REV1: variants seen among roughly 807,000 people sequenced by gnomAD.
The protein encoded by REV1 is translesion synthesis protein REV1.
In REV1, 42 loss-of-function variants were observed where a neutral mutation model predicts 137.4. That is an observed-to-expected ratio of 0.31 (90% CI 0.24 to 0.40). The LOEUF (loss-of-function observed/expected upper bound fraction) is 0.40, where lower values mean the gene tolerates loss of function less well. REV1 is among the 10% of genes least tolerant of loss of function. The pLI is 1.00. For synonymous variants in REV1, 524 were observed against 519.2 expected (o/e 1.01, Z -0.12); for missense variants, 1,282 against 1,490.1 (o/e 0.86, Z 2.30).
chr2:99,468,773 A>T (rs764321126), intron 1 of REV1, among the ~76,000 whole-genome samples: 3 of 152,246 alleles, frequency 2.0e-5, no homozygotes, highest in Non-Finnish European at 4.4e-5. Flanking sequence ...ACATGAATGC[A>T]AAAGTACCCT....
At chr2:99,468,676 C>T (rs1034007672) in intron 1 of REV1, among the ~76,000 whole-genome samples, 1 of 152,202 alleles carries the variant, frequency 6.6e-6, no homozygotes, top group African/African-American at 2.4e-5. Flanking sequence ...AAATAACCTG[C>T]CAATCTCTCC....
chr2:99,462,711 T>A (rs1684364931), intron 2 of REV1, 89 bp from the exon 3 acceptor site: 1 of 1,285,942 alleles, frequency 7.8e-7, no homozygotes, highest in Non-Finnish European at 1.1e-6. Flanking sequence ...ACTAAATAAA[T>A]AAATGGACCT....
Position 99,464,964 on chromosome 2 carries a change from A to G in REV1, c.12T>C (p.Gly4=). ...CATTTTCAGCTCGCTTCCTCCATCC[A>G]CCTCGCCTCATGGTGGAGCTTCTGT... MRR[G]GWRKRAENDG... The change falls in exon 2 of 23, where the codon GGT becomes GGC. Residue 4 remains glycine (G), a synonymous_variant. Coordinates refer to ENST00000258428, the MANE Select transcript of REV1 (RefSeq NM_016316.4). The G allele has an allele frequency of 6.2e-7, 1 of 1,612,990 alleles. No homozygotes were observed. The highest frequency in any genetic ancestry group is 8.5e-7 in the Non-Finnish European group (1 of 1,179,466).
chr2:99,473,682 C>T (rs140162589), intron 1 of REV1, among the ~76,000 whole-genome samples: 1 of 152,246 alleles, frequency 6.6e-6, no homozygotes, highest in East Asian at 1.9e-4. Context: ...TTTCCTGTTG[C>T]TAATTTTTTC....
chr2:99,438,894 G>C lies in REV1; in HGVS notation c.920C>G (p.Thr307Ser). The C allele has an allele frequency of 6.2e-7, 1 of 1,614,210 alleles. No individual in the cohort carries two copies. Among genetic ancestry groups the C allele is most frequent in the Non-Finnish European group, 8.5e-7 (1 of 1,180,032 alleles). The change falls in exon 6 of 23, where the codon ACT becomes AGT. Residue 307 changes from threonine (T) to serine (S), a missense_variant. Thr to Ser is a moderately conservative substitution (Grantham distance 58). This residue lies in a region of REV1 where 432 missense variants were observed against 438.0 expected (regional missense o/e 0.99). Transcript: ENST00000258428. ...SFSLSPLHSN[T>S]KINGAHHSTV... ...GGAGTGGTGAGCACCATTGATTTTA[G>C]TGTTACTGTGCAAAGGTGATAATGA...
intron 12 of REV1, among the ~76,000 whole-genome samples, chr2:99,414,919 T>C (rs191602389): frequency 6.6e-6 from 1 of 152,210 alleles, no homozygotes; most frequent in African/African-American, 2.4e-5. Context: ...CCACAACAAA[T>C]TATGCACTAC....
rs370638855 is a variant in REV1 at position 99,426,263 on chromosome 2, C to T, written c.1548-1983G>A. Among the ~76,000 whole-genome samples, 23 of 151,314 alleles carry T rather than the reference C, an allele frequency of 1.5e-4. No homozygotes were observed. In the East Asian group the frequency reaches 3.1e-3, roughly 20 times the overall value. Reference sequence around the variant, plus strand: ...TCGGGAGGCTGAGGCAGGAGAATCGCTTGAACCTGGGAGGTGGAGGTTGCA... The same window carrying T: ...TCGGGAGGCTGAGGCAGGAGAATCGTTTGAACCTGGGAGGTGGAGGTTGCA... On this transcript the variant is annotated intron_variant, in intron 9 of 22. Coordinates refer to ENST00000258428, the MANE Select transcript of REV1 (RefSeq NM_016316.4).
chr2:99,448,866 G>A (rs1376625981), intron 4 of REV1, among the ~76,000 whole-genome samples: 1 of 152,144 alleles, frequency 6.6e-6, no homozygotes, highest in East Asian at 1.9e-4. Flanking sequence ...ACATTAACAT[G>A]CTACTTTTAT....
At chr2:99,471,889 T>TAAAA (rs947603744) in intron 1 of REV1, among the ~76,000 whole-genome samples, 17 of 93,406 alleles carry the variant, frequency 1.8e-4, no homozygotes, top group African/African-American at 2.4e-4. Context: ...TAGCTACTAT[T>TAAAA]AAAAAAAAAA....
At position 99,403,062 on chromosome 2, in the gene REV1, TTTC is replaced by T. The variant is rs749640860; in HGVS notation, c.3208_3210del (p.Glu1070del). On this transcript the variant is annotated inframe_deletion, in exon 20 of 23. Coordinates refer to ENST00000258428, the MANE Select transcript of REV1 (RefSeq NM_016316.4). ...GTTTTTTTCTTCTTGTTTCTTTTCTTTTCTTTCACTGCTGCCTTTAGATGAAGT... is the reference window on the plus strand; with the variant it reads ...GTTTTTTTCTTCTTGTTTCTTTTCTTTTTCACTGCTGCCTTTAGATGAAGT... The T allele has an allele frequency of 5.0e-6, 8 of 1,613,482 alleles. No individual in the cohort carries two copies. In the East Asian group the frequency reaches 8.9e-5, roughly 18 times the overall value.
At chr2:99,475,167 C>A (rs922130444) in intron 1 of REV1, among the ~76,000 whole-genome samples, 3 of 152,144 alleles carry the variant, frequency 2.0e-5, no homozygotes, top group African/African-American at 7.2e-5. Flanking sequence ...GTACAAGGAA[C>A]AAAGGAGACA....
intron 8 of REV1, among the ~76,000 whole-genome samples, chr2:99,434,069 A>G (rs1454494564): frequency 6.6e-6 from 1 of 152,228 alleles, no homozygotes; most frequent in African/African-American, 2.4e-5. Context: ...AGGCTTCTTT[A>G]AATTCTGCCC....
At chr2:99,416,238 T>G (rs1677837117) in intron 12 of REV1, among the ~76,000 whole-genome samples, 1 of 152,240 alleles carries the variant, frequency 6.6e-6, no homozygotes, top group Admixed American at 6.5e-5. Flanking sequence ...ACCAAATATC[T>G]TTGAGAAATT....
chr2:99,425,225 T>C (rs1393167121), intron 9 of REV1, among the ~76,000 whole-genome samples: 1 of 152,150 alleles, frequency 6.6e-6, no homozygotes, highest in African/African-American at 2.4e-5. Context: ...CATAGGCCTC[T>C]GGCACCCTCC....
chr2:99,476,618 T>C (rs1209446913), intron 1 of REV1, among the ~76,000 whole-genome samples: 4 of 152,162 alleles, frequency 2.6e-5, no homozygotes, highest in Non-Finnish European at 4.4e-5. Flanking sequence ...CCTGGGGGCT[T>C]TGAGCCACTC....
intron 4 of REV1, 31 bp downstream of exon 4, chr2:99,449,305 T>G (rs1207082574): frequency 3.9e-6 from 5 of 1,283,882 alleles, no homozygotes; most frequent in Non-Finnish European, 3.1e-6. Context: ...CTTTAAAAAT[T>G]TATTAATTAA....
intron 13 of REV1, among the ~76,000 whole-genome samples, chr2:99,412,269 A>C (rs1677271902): frequency 6.6e-6 from 1 of 150,620 alleles, no homozygotes; most frequent in African/African-American, 2.5e-5. Flanking sequence ...AAAAAAAAAA[A>C]AAAAAAAAAA....
chr2:99,479,253 G>A (rs1229467932), intron 1 of REV1, among the ~76,000 whole-genome samples: 2 of 151,076 alleles, frequency 1.3e-5, no homozygotes, highest in Non-Finnish European at 2.9e-5. Context: ...CTTGAACCAG[G>A]GAGTCAGAGG....
intron 13 of REV1, among the ~76,000 whole-genome samples, chr2:99,411,219 C>T (rs1444198971): frequency 1.3e-5 from 2 of 151,884 alleles, no homozygotes; most frequent in Admixed American, 1.3e-4. Context: ...ACCCAGGAGA[C>T]GGAGGTTGCA....
Sources: gnomAD v4.1 joint callset for allele counts (sites outside exome capture counted in the v4.1 genomes callset) on GRCh38, gnomAD v4.1.1 for gene constraint, gnomAD v4.1.1 regional missense constraint, MANE v1.5 for transcripts, NCBI Gene and HGNC (gene_info 2026-07-23, HGNC 2026-07-21) for gene names.